LOXHD1: variants seen among roughly 807,000 people sequenced by gnomAD.
The protein encoded by LOXHD1 is lipoxygenase homology PLAT domains 1, also known as lipoxygenase homology domain-containing protein 1.
LOXHD1 carries 205 observed loss-of-function variants against 248.2 expected under a neutral mutation model. The ratio of observed to expected loss-of-function variants is 0.83; its 90% CI spans 0.74 to 0.93. The LOEUF is 0.93. Ranked by LOEUF, LOXHD1 falls within the 40% of genes least tolerant of loss-of-function variation. The pLI is 0.00. For missense variants in LOXHD1, 2,930 were observed against 2,971.6 expected (o/e 0.99, Z 0.33); for synonymous variants, 1,113 against 1,162.8 (o/e 0.96, Z 0.87).
intron 4 of LOXHD1, among the ~76,000 whole-genome samples, chr18:46,632,467 C>G (rs1000462765): frequency 6.6e-6 from 1 of 152,160 alleles, no homozygotes; most frequent in African/African-American, 2.4e-5. Flanking sequence ...CACCTGCAGG[C>G]AGGGGAGACA....
chr18:46,608,971 T>C (rs944459125), intron 6 of LOXHD1, among the ~76,000 whole-genome samples: 3 of 152,236 alleles, frequency 2.0e-5, no homozygotes, highest in Non-Finnish European at 2.9e-5. Context: ...AATTTCCCAG[T>C]TTTCACTGCA....
chr18:46,566,552 C>A, intron 16 of LOXHD1, 103 bp from the exon 17 acceptor site: 1 of 997,850 alleles, frequency 1.0e-6, no homozygotes. Flanking sequence ...CAACCCAGGT[C>A]TCCAGTCCCC....
intron 26 of LOXHD1, among the ~76,000 whole-genome samples, chr18:46,534,944 G>A (rs1482063574): frequency 6.6e-6 from 1 of 152,020 alleles, no homozygotes; most frequent in Admixed American, 6.5e-5. Context: ...CCTTGCCACG[G>A]GGCCTTTGCA....
At chr18:46,560,052 T>TCCCC in intron 19 of LOXHD1, 31 bp downstream of exon 19, 1 of 441,130 alleles carries the variant, frequency 2.3e-6, no homozygotes, top group South Asian at 2.8e-5. Context: ...GGCCACTCCC[T>TCCCC]CCCCACCCCC....
At chr18:46,542,923 C>T in intron 23 of LOXHD1, 68 bp from the exon 24 acceptor site, 1 of 1,535,520 alleles carries the variant, frequency 6.5e-7, no homozygotes, top group Non-Finnish European at 8.8e-7. Flanking sequence ...CAGACCCAAA[C>T]CTTTAATCCC....
At position 46,522,232 on chromosome 18, in the gene LOXHD1, T is replaced by C. The variant is rs1250031594; in HGVS notation, c.4954A>G (p.Ile1652Val). 3 of 1,551,474 alleles carry C rather than the reference T, an allele frequency of 1.9e-6. No individual in the cohort carries two copies. Among genetic ancestry groups the C allele is most frequent in the East Asian group, 2.4e-5 (1 of 40,924 alleles). Residue 1652 changes from isoleucine to valine, a missense_variant, in exon 32 of 41, where the codon ATC becomes GTC. Physicochemically the swap from Ile to Val is conservative, Grantham distance 29 (BLOSUM62 3). Coordinates refer to ENST00000642948, the MANE Select transcript of LOXHD1 (RefSeq NM_001384474.1). ...ATDSRAFIFL[I>V]GEDDERSKRI... ...TTACTACGTTCATCATCCTCCCCGA[T>C]GAGAAAGATGAAGGCTCGGCTGTCA... is the stretch of plus-strand genomic sequence containing the variant.
chr18:46,521,086 G>T lies in LOXHD1; in HGVS notation c.5271+11C>A. 6.4e-7 allele frequency: 1 copy of T among 1,550,928 alleles called. No homozygotes were observed. Among genetic ancestry groups the T allele is most frequent in the Non-Finnish European group, 8.7e-7 (1 of 1,146,534 alleles). The stretch of plus-strand genomic sequence containing the variant: ...TGGCCATGCACTGCACACTCACAGT[G>T]CCCCCCCTACCTTCACCCCAATGTT... On this transcript the variant is annotated intron_variant, in intron 33 of 40. Coordinates refer to ENST00000642948, the MANE Select transcript of LOXHD1 (RefSeq NM_001384474.1).
intron 1 of LOXHD1, among the ~76,000 whole-genome samples, chr18:46,649,475 C>A (rs540231316): frequency 1.3e-5 from 2 of 152,304 alleles, no homozygotes; most frequent in South Asian, 4.1e-4. Context: ...ACCATGCACT[C>A]GTTTTGCACA....
intron 28 of LOXHD1, among the ~76,000 whole-genome samples, chr18:46,531,182 CAG>C (rs2036048909): frequency 6.6e-6 from 1 of 152,128 alleles, no homozygotes; most frequent in African/African-American, 2.4e-5. Context: ...AGAGGCTGGT[CAG>C]AGACACCGCC....
At chr18:46,478,157 G>GTTGCTTCTTGATTCTTCTAC (rs2032196335) in intron 40 of LOXHD1, among the ~76,000 whole-genome samples, 1 of 152,168 alleles carries the variant, frequency 6.6e-6, no homozygotes, top group South Asian at 2.1e-4. Context: ...CATTCTTCCA[G>GTTGCTTCTTGATTCTTCTAC]TTGCTTCTTG....
rs185976219 is a variant in LOXHD1, at chr18:46,552,874, A to G, written c.3350+4482T>C. Among the ~76,000 whole-genome samples, 12 of 151,932 alleles carry G rather than the reference A, an allele frequency of 7.9e-5. No homozygotes were observed. In the East Asian group the frequency reaches 2.3e-3, roughly 29 times the overall value. ...CCTTATGCACCAAATAGAATTACTCATTCCTTTCTGTGTGTGCCCCTCAAT... is the reference window on the plus strand; with the variant it reads ...CCTTATGCACCAAATAGAATTACTCGTTCCTTTCTGTGTGTGCCCCTCAAT... On this transcript the variant is annotated intron_variant, in intron 21 of 40. Coordinates refer to ENST00000642948, the MANE Select transcript of LOXHD1 (RefSeq NM_001384474.1).
intron 10 of LOXHD1, 22 bp from the exon 11 acceptor site, chr18:46,592,606 T>A (rs1470917586): frequency 2.0e-6 from 3 of 1,531,866 alleles, no homozygotes; most frequent in South Asian, 1.2e-5. Flanking sequence ...AATAAAAACA[T>A]TTGAGTGGGC....
intron 31 of LOXHD1, among the ~76,000 whole-genome samples, chr18:46,523,913 A>G (rs563580860): frequency 7.3e-4 from 111 of 152,332 alleles, no homozygotes; most frequent in Non-Finnish European, 1.1e-3. Flanking sequence ...TATGTTTAAG[A>G]GAACTGACTA....
intron 18 of LOXHD1, 122 bp from the exon 19 acceptor site, chr18:46,560,667 CTGGGG>C: frequency 3.4e-6 from 3 of 891,892 alleles, no homozygotes; most frequent in Non-Finnish European, 5.0e-6. Context: ...ATGGAGAGGG[CTGGGG>C]CCTCTGTGCT....
intron 37 of LOXHD1, among the ~76,000 whole-genome samples, chr18:46,498,570 T>C (rs980240295): frequency 2.0e-5 from 3 of 152,222 alleles, no homozygotes; most frequent in Non-Finnish European, 4.4e-5. Flanking sequence ...TTCCTAGCTT[T>C]GGTGGCTTCC....
chr18:46,538,940 C>T (rs905880979), intron 25 of LOXHD1, among the ~76,000 whole-genome samples: 5 of 152,318 alleles, frequency 3.3e-5, no homozygotes, highest in South Asian at 4.1e-4. Flanking sequence ...GGTTCCGTCA[C>T]ATTACACACA....
rs77163549 is a variant in LOXHD1, at chr18:46,544,504, T to A, written c.3619+813A>T. On this transcript the variant is annotated intron_variant, in intron 23 of 40. Transcript: ENST00000642948. ...ATATCATTATATATTATCTGCTTTA[T>A]CCAACCTATTAAATAATTGATGTTA... 1.8e-3 allele frequency among the ~76,000 whole-genome samples: 269 copies of A among 152,380 alleles called. 4 individuals are homozygous for A. In the East Asian group the frequency reaches 0.047, roughly 27 times the overall value.
At chr18:46,595,550 A>T (rs1358221467) in intron 8 of LOXHD1, among the ~76,000 whole-genome samples, 3 of 152,268 alleles carry the variant, frequency 2.0e-5, no homozygotes, top group Admixed American at 1.3e-4. Flanking sequence ...TGGCAGAACA[A>T]GGAATATAAG....
chr18:46,556,040 A>T (rs1269521176), intron 21 of LOXHD1, among the ~76,000 whole-genome samples: 3 of 151,470 alleles, frequency 2.0e-5, no homozygotes, highest in Non-Finnish European at 4.4e-5. Context: ...AGGAAGGATA[A>T]TATTTTTTGA....
Sources: allele counts gnomAD v4.1 joint callset (sites outside exome capture counted in the v4.1 genomes callset), GRCh38; gene constraint gnomAD v4.1.1; transcripts MANE v1.5; gene names NCBI Gene and HGNC (gene_info 2026-07-23, HGNC 2026-07-21).